FAM149A: variants seen among roughly 807,000 people sequenced by gnomAD.
FAM149A encodes the protein protein FAM149A.
FAM149A carries 71 observed loss-of-function variants against 78.2 expected under a neutral mutation model. The observed-to-expected ratio is 0.91, with a 90% confidence interval of 0.75 to 1.11. The LOEUF (loss-of-function observed/expected upper bound fraction) is 1.11. FAM149A is among the 50% of genes least tolerant of loss of function. The pLI is 0.00. For missense variants in FAM149A, 1,036 were observed against 971.0 expected, an observed-to-expected ratio of 1.07 and a Z score of -0.89; for synonymous variants, 446 against 410.5, an observed-to-expected ratio of 1.09 and a Z score of -1.04.
intron 13 of FAM149A, 71 bp from the exon 14 acceptor site, chr4:186,171,843 C>A: frequency 7.9e-7 from 1 of 1,265,954 alleles, no homozygotes; most frequent in Non-Finnish European, 1.1e-6. Context: ...ATGGAGTGTA[C>A]AAAACAATCG....
chr4:186,136,976 TTCTCTCTCTCTCTC>T (rs70964917), intron 1 of FAM149A, among the ~76,000 whole-genome samples: 2,112 of 71,946 alleles, frequency 0.029, 59 homozygotes, highest in Non-Finnish European at 0.035. Context: ...CTCTCTCTCT[TTCTCTCTCTCTCTC>T]TCTCTCTCTC....
chr4:186,167,511 C>CAA (rs55700071), intron 13 of FAM149A: 35 of 279,728 alleles, frequency 1.3e-4, no homozygotes, highest in Admixed American at 4.2e-4. Flanking sequence ...GGGCCTCACT[C>CAA]AAAAAAAAAA....
chr4:186,163,427 T>C lies in FAM149A; in HGVS notation c.1683T>C (p.Asn561=). Residue 561 remains asparagine, a synonymous_variant, in exon 10 of 14, where the codon AAT becomes AAC. Coordinates refer to ENST00000389354, the MANE Select transcript of FAM149A (RefSeq NM_001367768.3). The stretch of plus-strand genomic sequence containing the variant: ...GCTCACAGGATTTCCTTCCCAGGAA[T>C]GAGAAGGAGGACAAAGCATCGGGTG... 4 of 1,613,052 alleles carry C rather than the reference T, an allele frequency of 2.5e-6. No homozygotes were observed. The highest frequency in any genetic ancestry group is 2.5e-6 in the Non-Finnish European group (3 of 1,179,758).
rs1448317417 is a variant in FAM149A, at chr4:186,105,291, C to T, written c.215C>T (p.Pro72Leu). 2 of 1,190,706 alleles carry T rather than the reference C, an allele frequency of 1.7e-6. No individual in the cohort carries two copies. The highest frequency in any genetic ancestry group is 3.4e-5 in the African/African-American group (2 of 59,442). 73.8% of individuals were successfully genotyped at this position (1,190,706 alleles called of 1,614,324 possible). ...TCCGCCTCGCGGCGGTCGCCCGCCC[C>T]GCTGCTCTCCTCCCCCTACTCCCGG... The change falls in exon 1 of 14, where the codon CCG becomes CTG. Residue 72 changes from proline (P) to leucine (L), a missense_variant. Pro to Leu is a moderately conservative substitution (Grantham distance 98). This residue lies in a region of FAM149A where 316 missense variants were observed against 241.9 expected (regional missense o/e 1.31). Transcript: ENST00000389354.
At chr4:186,170,522 G>T (rs1579945375) in intron 13 of FAM149A, among the ~76,000 whole-genome samples, 1 of 152,248 alleles carries the variant, frequency 6.6e-6, no homozygotes, top group East Asian at 1.9e-4. Flanking sequence ...CCCTGTCCGG[G>T]GCCAACCCCC....
intron 1 of FAM149A, among the ~76,000 whole-genome samples, chr4:186,123,570 G>A (rs1009461751): frequency 4.6e-5 from 7 of 152,222 alleles, no homozygotes; most frequent in African/African-American, 1.4e-4. Flanking sequence ...TGGAGCAGCT[G>A]GTTTGCAAGC....
intron 13 of FAM149A, chr4:186,167,477 G>T: frequency 3.6e-6 from 2 of 552,490 alleles, no homozygotes; most frequent in East Asian, 3.8e-5. Flanking sequence ...AGAGGGGAAT[G>T]TCCAAAAGCT....
intron 1 of FAM149A, among the ~76,000 whole-genome samples, chr4:186,120,739 A>G (rs1309760829): frequency 2.2e-5 from 3 of 138,026 alleles, no homozygotes; most frequent in African/African-American, 7.9e-5. Flanking sequence ...GCTTGCAGTG[A>G]GCCAAGATTG....
chr4:186,155,542 A>G (rs1014765909), intron 6 of FAM149A, among the ~76,000 whole-genome samples: 1 of 152,240 alleles, frequency 6.6e-6, no homozygotes, highest in African/African-American at 2.4e-5. Context: ...AAATCAAAAA[A>G]TATAATGAGA....
intron 1 of FAM149A, 142 bp from the exon 2 acceptor site, chr4:186,149,031 T>TGTGC (rs776191178): frequency 3.2e-4 from 109 of 339,794 alleles, no homozygotes; most frequent in African/African-American, 1.0e-3. Context: ...TGTGTGTGTG[T>TGTGC]GCGCTCATGC....
chr4:186,118,364 G>GT (rs1371984271), intron 1 of FAM149A: 31 of 375,632 alleles, frequency 8.3e-5, no homozygotes, highest in Non-Finnish European at 1.1e-4. Flanking sequence ...CCATGAAGCG[G>GT]TAAGTGCAGA....
At chr4:186,123,366 C>T (rs918175214) in intron 1 of FAM149A, 5 of 985,288 alleles carry the variant, frequency 5.1e-6, no homozygotes, top group African/African-American at 1.7e-5. Flanking sequence ...GGTGAATTTT[C>T]GTCTCATGGA....
intron 1 of FAM149A, among the ~76,000 whole-genome samples, chr4:186,139,031 C>T (rs1026812948): frequency 1.3e-5 from 2 of 152,180 alleles, no homozygotes; most frequent in Non-Finnish European, 2.9e-5. Flanking sequence ...TTGTTTATTT[C>T]TATCAATATG....
At chr4:186,109,983 C>G in intron 1 of FAM149A, 4 of 985,436 alleles carry the variant, frequency 4.1e-6, no homozygotes, top group Non-Finnish European at 4.8e-6. Context: ...AACTTTTAAT[C>G]TGCAGAATAA....
At chr4:186,148,142 C>G (rs1466288255) in intron 1 of FAM149A, among the ~76,000 whole-genome samples, 1 of 152,042 alleles carries the variant, frequency 6.6e-6, no homozygotes, top group Admixed American at 6.6e-5. Context: ...GCCTGGCTAA[C>G]ATGGTGAAAC....
At position 186,138,870 on chromosome 4, in the gene FAM149A, T is replaced by TGCTTCCATACTGCACTCTTGGAGTCAA. The variant is rs1561397499; in HGVS notation, c.567-10279_567-10253dup. Among the ~76,000 whole-genome samples, 3 of 152,272 alleles carry TGCTTCCATACTGCACTCTTGGAGTCAA rather than the reference T, an allele frequency of 2.0e-5. No individual in the cohort carries two copies. In the South Asian group the frequency reaches 6.2e-4, roughly 32 times the overall value. ...GCTGCTCCCCTGTAAAGTCACCCCC[T>TGCTTCCATACTGCACTCTTGGAGTCAA]GCTTCCATACTGCACTCTTGGAGTC... is the stretch of plus-strand genomic sequence containing the variant. On this transcript the variant is annotated intron_variant, in intron 1 of 13. Transcript: ENST00000389354.
At chr4:186,167,730 C>T in intron 13 of FAM149A, 1 of 253,552 alleles carries the variant, frequency 3.9e-6, no homozygotes, top group Non-Finnish European at 7.8e-6. Flanking sequence ...ATGCTGTTTG[C>T]AGGATATTCT....
chr4:186,116,785 T>G (rs2099313928), intron 1 of FAM149A: 1 of 981,270 alleles, frequency 1.0e-6, no homozygotes, highest in Non-Finnish European at 1.2e-6. Context: ...TATGTTTTTT[T>G]GCTGTGTGTT....
chr4:186,168,676 A>C (rs1735267318), intron 13 of FAM149A, among the ~76,000 whole-genome samples: 1 of 152,150 alleles, frequency 6.6e-6, no homozygotes, highest in African/African-American at 2.4e-5. Context: ...TTGTAACACG[A>C]TTGTAGGTGC....
Sources: allele counts gnomAD v4.1 joint callset (sites outside exome capture counted in the v4.1 genomes callset), GRCh38; gene constraint gnomAD v4.1.1; regional missense constraint gnomAD v4.1.1; transcripts MANE v1.5; gene names NCBI Gene and HGNC (gene_info 2026-07-23, HGNC 2026-07-21).